NBAS: variants seen among roughly 807,000 people sequenced by gnomAD.
The protein encoded by NBAS is NAG/BC035112 fusion.
NBAS carries 219 observed loss-of-function variants against 302.5 expected under a neutral mutation model. The ratio of observed to expected loss-of-function variants is 0.72; its 90% CI spans 0.65 to 0.81. The LOEUF (loss-of-function observed/expected upper bound fraction) is 0.81. Ranked by LOEUF, NBAS falls within the 30% of genes least tolerant of loss-of-function variation. The pLI is 0.00. For missense variants in NBAS, 2,932 were observed against 2,841.6 expected, an observed-to-expected ratio of 1.03 and a Z score of -0.72; for synonymous variants, 1,118 against 1,021.6, an observed-to-expected ratio of 1.09 and a Z score of -1.80.
At chr2:14,952,880 T>C in the NBAS span, among the ~76,000 whole-genome samples, 1 of 152,218 alleles carries the variant, frequency 6.6e-6, no homozygotes, top group African/African-American at 2.4e-5. Context: ...GTAAGCAGAC[T>C]GCTAAGTGCA....
chr2:15,040,377 A>G, the NBAS span, among the ~76,000 whole-genome samples: 1 of 152,166 alleles, frequency 6.6e-6, no homozygotes, highest in Non-Finnish European at 1.5e-5. Context: ...TTACCGCAAG[A>G]TTGTTGGTTT....
At chr2:15,369,129 T>G (rs909162790) in intron 31 of NBAS, among the ~76,000 whole-genome samples, 1 of 152,212 alleles carries the variant, frequency 6.6e-6, no homozygotes, top group African/African-American at 2.4e-5. Flanking sequence ...TAATTTTATT[T>G]TCAAAACAAA....
the NBAS span, among the ~76,000 whole-genome samples, chr2:15,160,981 A>G: frequency 7.9e-5 from 12 of 152,208 alleles, no homozygotes; most frequent in Non-Finnish European, 1.8e-4. Flanking sequence ...ACAAGGAGAT[A>G]ACTGGATGCT....
chr2:15,037,269 T>G, the NBAS span, among the ~76,000 whole-genome samples: 1 of 152,116 alleles, frequency 6.6e-6, no homozygotes, highest in East Asian at 1.9e-4. Flanking sequence ...AAGGCCAAAG[T>G]GGGGCAGGCC....
intron 9 of NBAS, among the ~76,000 whole-genome samples, chr2:15,519,753 G>C (rs967012725): frequency 6.6e-5 from 10 of 152,062 alleles, no homozygotes; most frequent in Non-Finnish European, 1.2e-4. Context: ...CCAAGAATTT[G>C]CATTTCTAAC....
chr2:14,857,058 T>C, the NBAS span, among the ~76,000 whole-genome samples: 4 of 152,072 alleles, frequency 2.6e-5, no homozygotes, highest in Admixed American at 1.3e-4. Context: ...GGTAGTACCA[T>C]GTACAACATT....
chr2:14,783,442 G>A, the NBAS span, among the ~76,000 whole-genome samples: 2 of 148,956 alleles, frequency 1.3e-5, no homozygotes, highest in Non-Finnish European at 3.0e-5. Context: ...TTAGCATTAG[G>A]TATATCTCCT....
Position 15,468,471 on chromosome 2 carries a change from C to T in NBAS, c.1788G>A (p.Val596=). The stretch of plus-strand genomic sequence containing the variant: ...ACTGAAGCAGTTCTTTTGCAGCATC[C>T]ACATTTTCAGGAACTCTTTCCAAAC... The part of the protein sequence containing the change: ...HECLERVPEN[V]DAAKELLQYG... Residue 596 remains valine (V), a synonymous_variant, in exon 17 of 52, where the codon GTG becomes GTA. Transcript: ENST00000281513. 1 of 1,614,020 alleles carries T rather than the reference C, an allele frequency of 6.2e-7. No individual in the cohort carries two copies. The highest frequency in any genetic ancestry group is 8.5e-7 in the Non-Finnish European group (1 of 1,179,958).
chr2:15,097,911 AATATTATATATTATATATATTACATAT>A, the NBAS span, among the ~76,000 whole-genome samples: 41 of 117,894 alleles, frequency 3.5e-4, no homozygotes, highest in South Asian at 1.4e-3. Context: ...TATTATATAC[AATATTATATATTATATATATTACATAT>A]ATATTATATT....
At chr2:15,494,984 A>C (rs570735779) in intron 11 of NBAS, among the ~76,000 whole-genome samples, 42 of 152,152 alleles carry the variant, frequency 2.8e-4, no homozygotes, top group African/African-American at 9.9e-4. Flanking sequence ...CAATACAATA[A>C]CTCTCCTAAC....
the NBAS span, among the ~76,000 whole-genome samples, chr2:15,115,136 G>A: frequency 6.6e-6 from 1 of 152,168 alleles, no homozygotes; most frequent in Non-Finnish European, 1.5e-5. Flanking sequence ...CTAGCTCAGT[G>A]GAAGAAACAT....
rs545974957 is a variant in NBAS at position 15,352,232 on chromosome 2, CACAA to C, written c.4090-155_4090-152del. ...TGGTAACAGGCTTACTTCAGGACTT[CACAA>C]ACAGTTTCAAAAGGATGCAATGGTT... is the stretch of plus-strand genomic sequence containing the variant. On this transcript the variant is annotated intron_variant, in intron 34 of 51. Coordinates refer to ENST00000281513, the MANE Select transcript of NBAS (RefSeq NM_015909.4). 24 of 630,514 alleles carry C rather than the reference CACAA, an allele frequency of 3.8e-5. No homozygotes were observed. The East Asian group carries it at 5.7e-4, about 15-fold the overall frequency. 39.1% of individuals were successfully genotyped at this position (630,514 alleles called of 1,614,324 possible).
intron 9 of NBAS, among the ~76,000 whole-genome samples, chr2:15,534,251 G>A (rs1663371563): frequency 6.6e-6 from 1 of 152,150 alleles, no homozygotes; most frequent in South Asian, 2.1e-4. Flanking sequence ...ATTCTCTTGA[G>A]TTATGTATCA....
chr2:15,360,484 T>G (rs530842741), intron 32 of NBAS, among the ~76,000 whole-genome samples: 1 of 152,098 alleles, frequency 6.6e-6, no homozygotes, highest in East Asian at 1.9e-4. Flanking sequence ...TAGTTAGGCC[T>G]ACAAGCATGC....
At chr2:14,807,340 TA>T in the NBAS span, among the ~76,000 whole-genome samples, 2 of 152,222 alleles carry the variant, frequency 1.3e-5, no homozygotes, top group African/African-American at 4.8e-5. Flanking sequence ...GCTATTTTCA[TA>T]AATGTCCAAA....
rs1302772698 is a variant in NBAS, at chr2:15,167,197, C to G, written c.6967G>C (p.Gly2323Arg). ...CCCAGCTCCTCTGCATCCCAGCGCC[C>G]TTGCTGGAGGCTAGCCAAGAGGTGG... ...VDHLLASLQQ[G>R]RWDAEELGRH... is the part of the protein sequence containing the mutation. The change falls in exon 52 of 52, where the codon GGG becomes CGG. Residue 2323 changes from glycine (G) to arginine (R), a missense_variant. Coordinates refer to ENST00000281513, the MANE Select transcript of NBAS (RefSeq NM_015909.4). 2 of 1,614,254 alleles carry G rather than the reference C, an allele frequency of 1.2e-6. No homozygotes were observed. Among genetic ancestry groups the G allele is most frequent in the South Asian group, 1.1e-5 (1 of 91,084 alleles).
At chr2:15,292,837 A>T (rs1558509303) in intron 40 of NBAS, 71 bp from the exon 41 acceptor site, 1 of 1,407,732 alleles carries the variant, frequency 7.1e-7, no homozygotes, top group East Asian at 2.3e-5. Context: ...TAACAAATGG[A>T]AGAAGACCAT....
At chr2:14,976,438 T>C in the NBAS span, among the ~76,000 whole-genome samples, 6 of 152,192 alleles carry the variant, frequency 3.9e-5, no homozygotes, top group Non-Finnish European at 8.8e-5. Flanking sequence ...CTGAGAGACA[T>C]AGGAGCACCT....
In NBAS at chr2:15,238,500, T is replaced by G; in HGVS notation, c.5911A>C (p.Ser1971Arg). 6.2e-7 allele frequency: 1 copy of G among 1,614,242 alleles called. No homozygotes were observed. Among genetic ancestry groups the G allele is most frequent in the African/African-American group, 1.3e-5 (1 of 75,074 alleles). ...SLAHLETLSHSFILSLKNSEQ... is the reference protein window; with the variant it reads ...SLAHLETLSHRFILSLKNSEQ... ...CTATTCTTCAGAGAAAGGATGAAGC[T>G]GTGGCTCAGGGTTTCCAGGTGGGCA... Residue 1971 changes from serine (S) to arginine (R), a missense_variant, in exon 45 of 52, where the codon AGC becomes CGC. Coordinates refer to ENST00000281513, the MANE Select transcript of NBAS (RefSeq NM_015909.4).
Sources: gnomAD v4.1 joint callset for allele counts (sites outside exome capture counted in the v4.1 genomes callset) on GRCh38, gnomAD v4.1.1 for gene constraint, MANE v1.5 for transcripts, NCBI Gene and HGNC (gene_info 2026-07-23, HGNC 2026-07-21) for gene names.